Variants in CEP43 observed in about 807,000 individuals in gnomAD.
CEP43 encodes FGFR1 oncogene partner.
In CEP43, 36 loss-of-function variants were observed where a neutral mutation model predicts 52.6. The ratio of observed to expected loss-of-function variants is 0.68; its 90% CI spans 0.52 to 0.90. The LOEUF (loss-of-function observed/expected upper bound fraction) is 0.90. CEP43 is among the 40% of genes least tolerant of loss of function. The probability of loss-of-function intolerance (pLI) is 0.00; values close to 1 mark genes in which losing one functional copy is unlikely to be tolerated. For missense variants in CEP43, 506 were observed against 472.8 expected, an observed-to-expected ratio of 1.07 and a Z score of -0.65; for synonymous variants, 192 against 172.4, an observed-to-expected ratio of 1.11 and a Z score of -0.89.
chr6:167,035,839 T>A (rs188814832), intron 12 of CEP43, among the ~76,000 whole-genome samples: 146 of 152,196 alleles, frequency 9.6e-4, no homozygotes, highest in Admixed American at 2.0e-3. Flanking sequence ...AGTGCTGGGA[T>A]TACAGGCGTG....
intron 6 of CEP43, 98 bp from the exon 7 acceptor site, chr6:167,013,410 A>G: frequency 1.0e-6 from 1 of 976,718 alleles, no homozygotes; most frequent in Non-Finnish European, 1.6e-6. Context: ...TCCACTTCTG[A>G]GACATTTTTC....
chr6:167,001,614 C>A (rs1308809945), intron 2 of CEP43, among the ~76,000 whole-genome samples: 1 of 152,174 alleles, frequency 6.6e-6, no homozygotes. Context: ...TGTTAAACTG[C>A]CCACTGTATT....
rs977128488 is a variant in CEP43 at position 167,043,924 on chromosome 6, T to G, written c.*3946T>G. 8 of 152,158 alleles carry G rather than the reference T, an allele frequency of 5.3e-5. No individual in the cohort carries two copies. Among genetic ancestry groups the G allele is most frequent in the African/African-American group, 1.9e-4 (8 of 41,428 alleles). 9.4% of individuals were successfully genotyped at this position (152,158 alleles called of 1,614,324 possible). ...GAAGGACTGAATGTGTCCCCCAAAA[T>G]GTGTATGTCGAAACCTAATCCCACA... On this transcript the variant is annotated 3_prime_UTR_variant, in exon 13 of 13. Transcript: ENST00000366847.
intron 7 of CEP43, among the ~76,000 whole-genome samples, chr6:167,016,680 G>A (rs1780107519): frequency 1.3e-5 from 2 of 152,248 alleles, no homozygotes; most frequent in South Asian, 2.1e-4. Context: ...CAAACCAGGC[G>A]TTACCATTCC....
chr6:167,013,882 A>G (rs1780036826), intron 7 of CEP43, among the ~76,000 whole-genome samples: 1 of 152,226 alleles, frequency 6.6e-6, no homozygotes, highest in Non-Finnish European at 1.5e-5. Context: ...CTGAGGCAGG[A>G]GAATCGCTTT....
chr6:167,034,116 T>C (rs1780532377), intron 12 of CEP43, 145 bp downstream of exon 12: 1 of 471,180 alleles, frequency 2.1e-6, no homozygotes, highest in African/African-American at 2.0e-5. Context: ...CTCGAGTTTA[T>C]AAAGAATGTC....
intron 6 of CEP43, among the ~76,000 whole-genome samples, chr6:167,011,268 A>C (rs902914838): frequency 6.6e-6 from 1 of 152,328 alleles, no homozygotes; most frequent in African/African-American, 2.4e-5. Context: ...TATTGAATGA[A>C]TATTTTAGAC....
At chr6:167,021,831 G>A (rs139145178) in intron 7 of CEP43, among the ~76,000 whole-genome samples, 1 of 152,304 alleles carries the variant, frequency 6.6e-6, no homozygotes, top group African/African-American at 2.4e-5. Flanking sequence ...GTTTATGTTA[G>A]AAATATGAGT....
At chr6:167,021,373 T>G (rs1780228352) in intron 7 of CEP43, among the ~76,000 whole-genome samples, 1 of 152,238 alleles carries the variant, frequency 6.6e-6, no homozygotes, top group Admixed American at 6.5e-5. Flanking sequence ...AATGTCTGTC[T>G]CTGTGTTTCC....
At chr6:167,031,362 A>G (rs572613537) in intron 10 of CEP43, among the ~76,000 whole-genome samples, 1 of 152,164 alleles carries the variant, frequency 6.6e-6, no homozygotes, top group African/African-American at 2.4e-5. Context: ...GTTCTTCCCA[A>G]TTGCACTAGC....
In CEP43 at chr6:167,051,863, A is replaced by G. The variant is rs941897175; in HGVS notation, c.*11885A>G. The G allele has an allele frequency of 6.6e-6, 1 of 152,212 alleles. No homozygotes were observed. 9.4% of individuals were successfully genotyped at this position (152,212 alleles called of 1,614,324 possible). ...AATCAAAAGTTTGTCTCCTGTAGAT[A>G]GCATATAGTTGGATAATTTTTAGTT... On this transcript the variant is annotated 3_prime_UTR_variant, in exon 13 of 13. Transcript: ENST00000366847.
In CEP43 at chr6:167,022,703, G is replaced by T. The variant is rs900932244; in HGVS notation, c.806+68G>T. ...ATAAGATAAATGTTTTCATTTTATA[G>T]TTAAAAAATAATGAACTATGGAAGG... On this transcript the variant is annotated intron_variant, in intron 8 of 12. Transcript: ENST00000366847. 6 of 1,053,122 alleles carry T rather than the reference G, an allele frequency of 5.7e-6. No homozygotes were observed. In the Admixed American group the frequency reaches 9.0e-5, roughly 16 times the overall value. 65.2% of individuals were successfully genotyped at this position (1,053,122 alleles called of 1,614,324 possible).
intron 10 of CEP43, among the ~76,000 whole-genome samples, chr6:167,031,554 A>T (rs1780471740): frequency 6.6e-6 from 1 of 152,196 alleles, no homozygotes; most frequent in Non-Finnish European, 1.5e-5. Flanking sequence ...CAGAGCTTGA[A>T]TCCCCTCAGC....
At chr6:167,025,268 A>C (rs73028286) in intron 9 of CEP43, 3,134 of 155,742 alleles carry the variant, frequency 0.02, 52 homozygotes, top group East Asian at 0.09. Flanking sequence ...GTGATACCAC[A>C]GTAAGTATCA....
At chr6:167,015,629 G>C (rs554516908) in intron 7 of CEP43, among the ~76,000 whole-genome samples, 40 of 152,308 alleles carry the variant, frequency 2.6e-4, no homozygotes, top group African/African-American at 9.6e-4. Flanking sequence ...GCTGCTCCCG[G>C]AGCTCTGGAG....
Position 167,024,827 on chromosome 6 carries a change from G to T in CEP43, c.852G>T (p.Ser284=). 6.2e-7 allele frequency: 1 copy of T among 1,613,146 alleles called. No individual in the cohort carries two copies. The highest frequency in any genetic ancestry group is 1.1e-5 in the South Asian group (1 of 91,064). ...AAGCAGGAAGTCTGGCCTCGCTCTC[G>T]GATGCACCCCCCTTAAAAAGTGGAC... ...RKQAGSLASL[S]DAPPLKSGLS... is the part of the protein sequence containing the mutation. Residue 284 remains serine (S), a synonymous_variant, in exon 9 of 13, where the codon TCG becomes TCT. Transcript: ENST00000366847.
Position 167,004,418 on chromosome 6 carries a change from GT to G in CEP43, c.438+19del. 6.4e-7 allele frequency: 1 copy of G among 1,563,752 alleles called. No homozygotes were observed. The highest frequency in any genetic ancestry group is 8.6e-7 in the Non-Finnish European group (1 of 1,158,142). On this transcript the variant is annotated intron_variant, in intron 5 of 12. Transcript: ENST00000366847. ...ACTGGGGAAGTAAGTAGAATTCTGTGTTATCTTTTTCTATTTTAATTATTGG... is the reference window on the plus strand; with the variant it reads ...ACTGGGGAAGTAAGTAGAATTCTGTGTATCTTTTTCTATTTTAATTATTGG...
chr6:167,038,844 T>C (rs1478736281), intron 12 of CEP43, among the ~76,000 whole-genome samples: 1 of 152,150 alleles, frequency 6.6e-6, no homozygotes, highest in Non-Finnish European at 1.5e-5. Flanking sequence ...CAGGTGGTGT[T>C]TGGTTGCATG....
intron 7 of CEP43, among the ~76,000 whole-genome samples, chr6:167,017,189 G>T (rs1046740043): frequency 4.9e-4 from 74 of 151,966 alleles, no homozygotes; most frequent in African/African-American, 1.7e-3. Flanking sequence ...TAGAGACGGG[G>T]TTTCACTGTG....
Sources: gnomAD v4.1 joint callset for allele counts (sites outside exome capture counted in the v4.1 genomes callset) on GRCh38, gnomAD v4.1.1 for gene constraint, MANE v1.5 for transcripts, NCBI Gene and HGNC (gene_info 2026-07-23, HGNC 2026-07-21) for gene names.